Variants in PRIM2 observed in about 807,000 individuals in gnomAD.
PRIM2 encodes DNA primase subunit 2.
A neutral mutation model predicts 67.3 loss-of-function variants in PRIM2; 39 were observed. That is an observed-to-expected ratio of 0.58 (90% CI 0.45 to 0.76). The LOEUF is 0.76. PRIM2 is among the 30% of genes least tolerant of loss of function. PRIM2 has a pLI of 0.00. For synonymous variants in PRIM2, 143 were observed against 198.7 expected (o/e 0.72, Z 2.36); for missense variants, 398 against 598.7 (o/e 0.66, Z 3.50).
At chr6:57,491,657 T>C (rs1554345970) in intron 7 of PRIM2, among the ~76,000 whole-genome samples, 6 of 152,336 alleles carry the variant, frequency 3.9e-5, no homozygotes, top group African/African-American at 1.4e-4. Flanking sequence ...TTTAATCACA[T>C]TGATGCAGGA....
intron 10 of PRIM2, among the ~76,000 whole-genome samples, chr6:57,559,341 T>G (rs1442575248): frequency 2.6e-5 from 4 of 152,192 alleles, no homozygotes; most frequent in African/African-American, 9.7e-5. Context: ...CAAGCAGAAC[T>G]GTTGACTGCC....
intron 5 of PRIM2, among the ~76,000 whole-genome samples, chr6:57,338,413 AATTTGAGACCAATATCCTTGATGAAC>A (rs1303599142): frequency 5.3e-5 from 8 of 151,950 alleles, no homozygotes; most frequent in African/African-American, 1.7e-4. Flanking sequence ...CAAAAAAGAG[AATTTGAGACCAATATCCTTGATGAAC>A]ATTGATGCAA....
chr6:57,608,085 T>G (rs1446809148), intron 12 of PRIM2, among the ~76,000 whole-genome samples: 1 of 151,274 alleles, frequency 6.6e-6, no homozygotes, highest in Non-Finnish European at 1.5e-5. Flanking sequence ...AGGTAGGGAG[T>G]CAAAAGCTGT....
the PRIM2 span, among the ~76,000 whole-genome samples, chr6:57,225,201 C>T: frequency 1.3e-5 from 2 of 152,168 alleles, no homozygotes; most frequent in Non-Finnish European, 1.5e-5. Context: ...CTGTGAGGCC[C>T]CCCATGTGCA....
chr6:57,330,992 C>A (rs1024721282), intron 5 of PRIM2, among the ~76,000 whole-genome samples: 2 of 151,598 alleles, frequency 1.3e-5, no homozygotes, highest in East Asian at 1.9e-4. Context: ...ACCGGCCTGA[C>A]CAACATAGTG....
the PRIM2 span, among the ~76,000 whole-genome samples, chr6:57,293,251 C>T: frequency 6.6e-6 from 1 of 152,154 alleles, no homozygotes; most frequent in African/African-American, 2.4e-5. Context: ...ATCGTCACTG[C>T]TCATTAGAGA....
intron 12 of PRIM2, among the ~76,000 whole-genome samples, chr6:57,626,180 A>G (rs1260688942): frequency 1.3e-5 from 2 of 152,268 alleles, no homozygotes; most frequent in Non-Finnish European, 2.9e-5. Context: ...AGGTGGCTGC[A>G]TTCTGCTGCC....
chr6:57,283,740 CCTT>C, the PRIM2 span, among the ~76,000 whole-genome samples: 1 of 152,054 alleles, frequency 6.6e-6, no homozygotes, highest in Non-Finnish European at 1.5e-5. Flanking sequence ...TTGAGTTTGG[CCTT>C]CTTGATGCTT....
intron 7 of PRIM2, among the ~76,000 whole-genome samples, chr6:57,390,673 A>G (rs926685770): frequency 9.9e-5 from 15 of 152,208 alleles, no homozygotes; most frequent in African/African-American, 3.6e-4. Flanking sequence ...TTTGCTAGTT[A>G]GTAGCCTCAG....
chr6:57,547,879 C>T (rs1245156677), intron 10 of PRIM2, among the ~76,000 whole-genome samples: 1 of 152,128 alleles, frequency 6.6e-6, no homozygotes, highest in African/African-American at 2.4e-5. Context: ...AAATATTTGG[C>T]TGGTGGGATG....
the PRIM2 span, among the ~76,000 whole-genome samples, chr6:57,262,417 G>C: frequency 6.6e-6 from 1 of 152,192 alleles, no homozygotes; most frequent in African/African-American, 2.4e-5. Context: ...GTTATTTCTA[G>C]AAGTTTCCAA....
intron 7 of PRIM2, among the ~76,000 whole-genome samples, chr6:57,423,238 G>C (rs1480934819): frequency 1.3e-5 from 2 of 152,130 alleles, no homozygotes; most frequent in African/African-American, 4.8e-5. Context: ...AGAAGTTCCA[G>C]ATGTAGGAAC....
Position 57,333,731 on chromosome 6 carries a change from A to G in PRIM2, c.459+7686A>G, listed in dbSNP as rs551334939. 6.6e-5 allele frequency among the ~76,000 whole-genome samples: 10 copies of G among 151,724 alleles called. No homozygotes were observed. In the South Asian group the frequency reaches 2.1e-3, roughly 32 times the overall value. ...GAAAACTTTCATCAACTGTTTTCTC[A>G]ATTTTCTATTTATTTATTTTTCCCT... is the stretch of plus-strand genomic sequence containing the variant. On this transcript the variant is annotated intron_variant, in intron 5 of 13. Transcript: ENST00000615550.
intron 7 of PRIM2, among the ~76,000 whole-genome samples, chr6:57,483,131 C>G (rs1773669443): frequency 6.6e-6 from 1 of 152,158 alleles, no homozygotes; most frequent in African/African-American, 2.4e-5. Flanking sequence ...TGGTCTCAAA[C>G]TCCTGACCTC....
At chr6:57,436,161 G>A (rs111647326) in intron 7 of PRIM2, among the ~76,000 whole-genome samples, 6 of 152,208 alleles carry the variant, frequency 3.9e-5, no homozygotes, top group African/African-American at 1.4e-4. Flanking sequence ...TTTAGGATGA[G>A]GAGGCTAATA....
chr6:57,524,757 T>C (rs1284399057), intron 8 of PRIM2, among the ~76,000 whole-genome samples: 1 of 152,124 alleles, frequency 6.6e-6, no homozygotes, highest in South Asian at 2.1e-4. Flanking sequence ...AATTCTCTTA[T>C]AGCAGAATAT....
chr6:57,599,684 G>A (rs1313415933), intron 10 of PRIM2, among the ~76,000 whole-genome samples: 93 of 152,254 alleles, frequency 6.1e-4, no homozygotes, highest in Non-Finnish European at 1.1e-3. Flanking sequence ...TTGGATCTTT[G>A]CACCCACCTC....
chr6:57,313,815 C>T (rs557539619), upstream of PRIM2, among the ~76,000 whole-genome samples: 3 of 152,254 alleles, frequency 2.0e-5, no homozygotes, highest in South Asian at 2.1e-4. Flanking sequence ...GTTTTCAGGG[C>T]GACACACCCC....
At chr6:57,594,051 A>C (rs1201363771) in intron 10 of PRIM2, among the ~76,000 whole-genome samples, 2 of 152,216 alleles carry the variant, frequency 1.3e-5, no homozygotes, top group Non-Finnish European at 2.9e-5. Context: ...TTTCACAAAA[A>C]AGATTATAGT....
Sources: allele counts gnomAD v4.1 joint callset (sites outside exome capture counted in the v4.1 genomes callset), GRCh38; gene constraint gnomAD v4.1.1; transcripts MANE v1.5; gene names NCBI Gene and HGNC (gene_info 2026-07-23, HGNC 2026-07-21).